The following PRKAG2 variants were observed in gnomAD, a reference collection of about 807,000 sequenced individuals.
PRKAG2 encodes the protein 5'-AMP-activated protein kinase subunit gamma-2.
In PRKAG2, 26 loss-of-function variants were observed where a neutral mutation model predicts 69.6. The ratio of observed to expected loss-of-function variants is 0.37; its 90% CI spans 0.27 to 0.52. The LOEUF (loss-of-function observed/expected upper bound fraction) is 0.52, where lower values mean the gene tolerates loss of function less well. Among genes scored for constraint, PRKAG2 ranks in the 20% least tolerant of loss-of-function variants. The probability of loss-of-function intolerance (pLI) is 0.90; values close to 1 mark genes in which losing one functional copy is unlikely to be tolerated. For synonymous variants in PRKAG2, 293 were observed against 285.0 expected, an observed-to-expected ratio of 1.03 and a Z score of -0.28; for missense variants, 557 against 740.0, an observed-to-expected ratio of 0.75 and a Z score of 2.87.
intron 6 of PRKAG2, among the ~76,000 whole-genome samples, chr7:151,584,584 G>A (rs946646404): frequency 3.3e-5 from 5 of 152,144 alleles, no homozygotes; most frequent in African/African-American, 4.8e-5. Context: ...CTGAAGTTCC[G>A]GAGAAAAGCA....
At position 151,569,068 on chromosome 7, in the gene PRKAG2, T is replaced by G. The variant is rs1205632264; in HGVS notation, c.1107-226A>C. Among the ~76,000 whole-genome samples the G allele has an allele frequency of 5.9e-5, 9 of 152,296 alleles. No homozygotes were observed. The South Asian group carries it at 1.9e-3, about 32-fold the overall frequency. The stretch of plus-strand genomic sequence containing the variant: ...TACAAATCTCTAGAAGAGGAGATTT[T>G]TTTTGGTTTGTTTTTTTGAGACAGG... On this transcript the variant is annotated intron_variant, in intron 10 of 15. Transcript: ENST00000287878.
In PRKAG2 at chr7:151,568,791, G is replaced by A. The variant is rs747247488; in HGVS notation, c.1158C>T (p.Pro386=). Residue 386 remains proline, a synonymous_variant, in exon 11 of 16, where the codon CCC becomes CCT. Transcript: ENST00000287878. ...SLIKNKIHRL[P]VIDPISGNAL... ...CATTCCCACTGATAGGGTCAATAAC[G>A]GGCAATCTGTGGATTTTATTTTTGA... 2.0e-5 allele frequency: 32 copies of A among 1,613,824 alleles called. No homozygotes were observed. The South Asian group carries it at 2.9e-4, about 14-fold the overall frequency.
intron 3 of PRKAG2, among the ~76,000 whole-genome samples, chr7:151,750,875 T>C (rs2074622041): frequency 6.7e-6 from 1 of 148,208 alleles, no homozygotes; most frequent in African/African-American, 2.5e-5. Context: ...CAAGACCCTG[T>C]CTCCAAAAAA....
intron 6 of PRKAG2, among the ~76,000 whole-genome samples, chr7:151,591,916 T>C (rs1280575011): frequency 6.6e-6 from 1 of 152,104 alleles, no homozygotes; most frequent in East Asian, 1.9e-4. Context: ...CAGGCCCTTA[T>C]AGAGACCAAA....
chr7:151,838,526 G>A (rs1460211344), intron 1 of PRKAG2, among the ~76,000 whole-genome samples: 1 of 151,744 alleles, frequency 6.6e-6, no homozygotes, highest in African/African-American at 2.4e-5. Flanking sequence ...TGGGCAACAT[G>A]GTAAAACCCG....
intron 1 of PRKAG2, among the ~76,000 whole-genome samples, chr7:151,875,312 T>C (rs78881925): frequency 0.15 from 22,598 of 152,158 alleles, 1,884 homozygotes; most frequent in Middle Eastern, 0.28. Context: ...ACCCAAGCGT[T>C]AGGCACGTGT....
chr7:151,734,832 C>T (rs1799501653), intron 3 of PRKAG2, among the ~76,000 whole-genome samples: 1 of 150,808 alleles, frequency 6.6e-6, no homozygotes, highest in Non-Finnish European at 1.5e-5. Context: ...ATTATAGGCC[C>T]AGCCTAAATC....
intron 3 of PRKAG2, among the ~76,000 whole-genome samples, chr7:151,695,373 G>T (rs1836433806): frequency 6.6e-6 from 1 of 152,166 alleles, no homozygotes; most frequent in Admixed American, 6.5e-5. Context: ...TCCTGCAGGG[G>T]GAGAAGGCCA....
At chr7:151,586,890 C>A (rs944353988) in intron 6 of PRKAG2, among the ~76,000 whole-genome samples, 9 of 152,200 alleles carry the variant, frequency 5.9e-5, no homozygotes, top group Admixed American at 5.9e-4. Flanking sequence ...TACTTTTGAT[C>A]ATGTGCTCTG....
At position 151,583,472 on chromosome 7, in the gene PRKAG2, G is replaced by GTGGTTT. The variant is rs1810952749; in HGVS notation, c.865-7026_865-7021dup. Among the ~76,000 whole-genome samples, 1 of 152,188 alleles carries GTGGTTT rather than the reference G, an allele frequency of 6.6e-6. No individual in the cohort carries two copies. Among genetic ancestry groups the GTGGTTT allele is most frequent in the African/African-American group, 2.4e-5 (1 of 41,446 alleles). ...AGCTCGGGAGGGGCCTGACGCTTCT[G>GTGGTTT]TGGTTTTGCCGACCTTCTTTGCAAT... is the stretch of plus-strand genomic sequence containing the variant. On this transcript the variant is annotated intron_variant, in intron 6 of 15. Coordinates refer to ENST00000287878, the MANE Select transcript of PRKAG2 (RefSeq NM_016203.4). The surrounding 1 kb of genome is among the most constrained non-coding windows in gnomAD (Gnocchi z 4.1).
intron 3 of PRKAG2, among the ~76,000 whole-genome samples, chr7:151,679,470 C>T (rs1029697233): frequency 1.3e-5 from 2 of 152,152 alleles, no homozygotes; most frequent in African/African-American, 4.8e-5. Flanking sequence ...CAGCCCCTTT[C>T]CCCACTGGAC....
intron 3 of PRKAG2, among the ~76,000 whole-genome samples, chr7:151,776,715 G>A (rs529192153): frequency 1.3e-5 from 2 of 152,354 alleles, no homozygotes; most frequent in Non-Finnish European, 2.9e-5. Flanking sequence ...GGCGCAGATG[G>A]CAGGCCCAGC....
chr7:151,846,069 G>A (rs965973901), intron 1 of PRKAG2, among the ~76,000 whole-genome samples: 10 of 152,186 alleles, frequency 6.6e-5, no homozygotes, highest in African/African-American at 1.4e-4. Flanking sequence ...CCCTACTTGC[G>A]GTGTGTGAGC....
intron 1 of PRKAG2, among the ~76,000 whole-genome samples, chr7:151,845,815 C>T (rs1471015063): frequency 6.6e-6 from 1 of 152,236 alleles, no homozygotes; most frequent in Non-Finnish European, 1.5e-5. Context: ...ACGGCAACCC[C>T]AGCTCATCGG....
intron 5 of PRKAG2, among the ~76,000 whole-genome samples, chr7:151,625,224 A>C (rs1485606900): frequency 6.6e-6 from 1 of 152,188 alleles, no homozygotes; most frequent in Non-Finnish European, 1.5e-5. Flanking sequence ...AGCGACATCT[A>C]ACCTGAGACT....
chr7:151,562,408 G>A (rs73475409), intron 14 of PRKAG2, among the ~76,000 whole-genome samples: 2,225 of 151,986 alleles, frequency 0.015, 43 homozygotes, highest in African/African-American at 0.051. Flanking sequence ...TCCAGTTTTT[G>A]TATTTTGTCT....
At chr7:151,791,999 T>C (rs2077290622) in intron 1 of PRKAG2, among the ~76,000 whole-genome samples, 1 of 152,160 alleles carries the variant, frequency 6.6e-6, no homozygotes, top group African/African-American at 2.4e-5. Flanking sequence ...AATCAGACAG[T>C]AGCAAGCATG....
chr7:151,561,469 T>C (rs1325734320), intron 14 of PRKAG2, among the ~76,000 whole-genome samples: 2 of 152,198 alleles, frequency 1.3e-5, no homozygotes, highest in African/African-American at 4.8e-5. Context: ...AGTTCATATA[T>C]TAAGAATCGC....
chr7:151,663,054 G>A lies in PRKAG2; in HGVS notation c.684+12366C>T, dbSNP rs527643336. Among the ~76,000 whole-genome samples, 37 of 152,204 alleles carry A rather than the reference G, an allele frequency of 2.4e-4. No homozygotes were observed. The South Asian group carries it at 7.7e-3, about 32-fold the overall frequency. On this transcript the variant is annotated intron_variant, in intron 4 of 15. Coordinates refer to ENST00000287878, the MANE Select transcript of PRKAG2 (RefSeq NM_016203.4). ...ACCAGCCTGGCCAACATGGCAAAAC[G>A]CTGGTCTCTTCCAAAATTTAAAAAA...
Sources: gnomAD v4.1 joint callset for allele counts (sites outside exome capture counted in the v4.1 genomes callset) on GRCh38, gnomAD v4.1.1 for gene constraint, Gnocchi (gnomAD v3.1) non-coding constraint, MANE v1.5 for transcripts, NCBI Gene and HGNC (gene_info 2026-07-23, HGNC 2026-07-21) for gene names.